The following ARHGAP42 variants were observed in gnomAD, a reference collection of about 807,000 sequenced individuals.
ARHGAP42 encodes the protein Rho GTPase activating protein 42, also known as rho GTPase-activating protein 42.
A neutral mutation model predicts 125.0 loss-of-function variants in ARHGAP42; 63 were observed. The observed-to-expected ratio is 0.50, with a 90% CI of 0.41 to 0.62. ARHGAP42 has a LOEUF of 0.62. Among genes scored for constraint, ARHGAP42 ranks in the 20% least tolerant of loss-of-function variants. The probability of loss-of-function intolerance (pLI) is 0.00; values close to 1 mark genes in which losing one functional copy is unlikely to be tolerated. For synonymous variants in ARHGAP42, 339 were observed against 351.0 expected (o/e 0.97, Z 0.38); for missense variants, 766 against 1,024.2 (o/e 0.75, Z 3.44).
intron 4 of ARHGAP42, among the ~76,000 whole-genome samples, chr11:100,906,856 C>T (rs1190846813): frequency 2.0e-5 from 3 of 152,118 alleles, no homozygotes; most frequent in South Asian, 2.1e-4. Context: ...CTCTAAATTC[C>T]GTGTAGCACT....
At chr11:100,776,994 A>C (rs1187561871) in intron 2 of ARHGAP42, among the ~76,000 whole-genome samples, 1 of 152,030 alleles carries the variant, frequency 6.6e-6, no homozygotes, top group Non-Finnish European at 1.5e-5. Context: ...AAAAAAAAAA[A>C]AAAAAAACAC....
chr11:100,825,741 C>A (rs1369394412), intron 3 of ARHGAP42, among the ~76,000 whole-genome samples: 1 of 152,144 alleles, frequency 6.6e-6, no homozygotes, highest in Non-Finnish European at 1.5e-5. Flanking sequence ...TTCTGTTTTT[C>A]ATTCTTTTGC....
intron 3 of ARHGAP42, among the ~76,000 whole-genome samples, chr11:100,820,691 T>A (rs925321974): frequency 5.3e-5 from 8 of 152,154 alleles, no homozygotes; most frequent in African/African-American, 1.9e-4. Context: ...TGTGTATTTA[T>A]ACCTCTCTAT....
intron 1 of ARHGAP42, among the ~76,000 whole-genome samples, chr11:100,705,932 C>G (rs1395552092): frequency 2.7e-5 from 4 of 150,584 alleles, no homozygotes; most frequent in Non-Finnish European, 5.9e-5. Context: ...CTGAATGTGC[C>G]TTGCAGTGGG....
At chr11:100,873,409 T>C (rs572038795) in intron 4 of ARHGAP42, among the ~76,000 whole-genome samples, 1 of 152,326 alleles carries the variant, frequency 6.6e-6, no homozygotes, top group African/African-American at 2.4e-5. Flanking sequence ...TTTAAAAAAA[T>C]GCTGATTCTA....
intron 12 of ARHGAP42, among the ~76,000 whole-genome samples, chr11:100,950,251 T>A (rs1857608420): frequency 6.9e-6 from 1 of 144,444 alleles, no homozygotes; most frequent in East Asian, 2.1e-4. Flanking sequence ...ATAAAATATA[T>A]AATATATAAT....
intron 3 of ARHGAP42, among the ~76,000 whole-genome samples, chr11:100,818,937 G>T (rs773345643): frequency 6.6e-5 from 10 of 152,072 alleles, no homozygotes; most frequent in Admixed American, 6.6e-5. Context: ...AAACATGGAT[G>T]GCTTTAGTAG....
chr11:100,841,030 T>C (rs1864934746), intron 3 of ARHGAP42, among the ~76,000 whole-genome samples: 1 of 152,176 alleles, frequency 6.6e-6, no homozygotes, highest in Non-Finnish European at 1.5e-5. Context: ...AACTTTGACA[T>C]GTGAAGAACA....
intron 2 of ARHGAP42, among the ~76,000 whole-genome samples, chr11:100,772,979 G>A (rs898742785): frequency 4.6e-5 from 7 of 152,150 alleles, no homozygotes; most frequent in Admixed American, 4.6e-4. Context: ...TGGGATTATA[G>A]GCGTATGCCA....
chr11:100,897,529 G>C (rs1866395061), intron 4 of ARHGAP42, among the ~76,000 whole-genome samples: 2 of 152,108 alleles, frequency 1.3e-5, no homozygotes, highest in Non-Finnish European at 2.9e-5. Flanking sequence ...GCAGTGGTTT[G>C]TAGTTCTCCT....
At chr11:100,968,556 C>A (rs1858158090) in intron 17 of ARHGAP42, among the ~76,000 whole-genome samples, 1 of 152,050 alleles carries the variant, frequency 6.6e-6, no homozygotes, top group Non-Finnish European at 1.5e-5. Flanking sequence ...TATGTTATAT[C>A]CCAACAATCC....
At chr11:100,863,037 C>CAAA (rs71053151) in intron 4 of ARHGAP42, among the ~76,000 whole-genome samples, 3 of 112,466 alleles carry the variant, frequency 2.7e-5, no homozygotes, top group South Asian at 3.0e-4. Context: ...AACTCCGTCT[C>CAAA]AAAAAAAAAA....
At chr11:100,923,487 C>T (rs892246612) in intron 6 of ARHGAP42, among the ~76,000 whole-genome samples, 1 of 151,092 alleles carries the variant, frequency 6.6e-6, no homozygotes, top group African/African-American at 2.5e-5. Flanking sequence ...TTTTATAGCC[C>T]ATCCTATCTG....
intron 3 of ARHGAP42, among the ~76,000 whole-genome samples, chr11:100,829,973 C>G (rs1864627186): frequency 6.6e-6 from 1 of 152,188 alleles, no homozygotes; most frequent in Non-Finnish European, 1.5e-5. Context: ...AAGCTACATA[C>G]TTTGGATTCT....
intron 3 of ARHGAP42, among the ~76,000 whole-genome samples, chr11:100,815,228 C>G (rs935591615): frequency 6.6e-5 from 10 of 152,224 alleles, no homozygotes; most frequent in Admixed American, 2.0e-4. Context: ...ATTGCAGGTT[C>G]CTTTTCCATT....
chr11:100,689,438 T>G (rs1861149845), intron 1 of ARHGAP42, among the ~76,000 whole-genome samples: 1 of 152,222 alleles, frequency 6.6e-6, no homozygotes, highest in South Asian at 2.1e-4. Context: ...CTCCCCGCTC[T>G]GCTTGAGATA....
chr11:100,751,279 GTTTTTTT>G (rs71465331), intron 1 of ARHGAP42, among the ~76,000 whole-genome samples: 8,916 of 93,574 alleles, frequency 0.095, 356 homozygotes, highest in East Asian at 0.27. Flanking sequence ...GTGTGTGTGT[GTTTTTTT>G]TTTTTTTTTT....
At chr11:100,772,337 T>TGGAATTTA (rs1440260889) in intron 2 of ARHGAP42, among the ~76,000 whole-genome samples, 7 of 152,234 alleles carry the variant, frequency 4.6e-5, no homozygotes, top group Non-Finnish European at 8.8e-5. Flanking sequence ...TCTCTGCATG[T>TGGAATTTA]GGAATTTACA....
intron 4 of ARHGAP42, among the ~76,000 whole-genome samples, chr11:100,897,514 C>G (rs1457633896): frequency 2.0e-5 from 3 of 151,906 alleles, no homozygotes; most frequent in East Asian, 3.9e-4. Context: ...CTTTTATTTC[C>G]TTGAGCAGTG....
Sources: allele counts gnomAD v4.1 joint callset (sites outside exome capture counted in the v4.1 genomes callset), GRCh38; gene constraint gnomAD v4.1.1; transcripts MANE v1.5; gene names NCBI Gene and HGNC (gene_info 2026-07-23, HGNC 2026-07-21).